The following SLC39A11 variants were observed in gnomAD, a reference collection of about 807,000 sequenced individuals.
SLC39A11 encodes the protein zinc transporter ZIP11.
A neutral mutation model predicts 36.1 loss-of-function variants in SLC39A11; 33 were observed. The observed-to-expected ratio is 0.91, with a 90% CI of 0.69 to 1.22. The LOEUF is 1.22. SLC39A11 is among the 50% of genes most tolerant of loss of function. The pLI is 0.00. For missense variants in SLC39A11, 432 were observed against 430.3 expected, an observed-to-expected ratio of 1.00 and a Z score of -0.03; for synonymous variants, 166 against 170.3, an observed-to-expected ratio of 0.97 and a Z score of 0.20.
chr17:72,858,757 G>A (rs138028650), intron 5 of SLC39A11, among the ~76,000 whole-genome samples: 44 of 152,212 alleles, frequency 2.9e-4, no homozygotes, highest in Admixed American at 6.5e-4. Context: ...ATGGTATTGC[G>A]TTCCTGGTTT....
intron 6 of SLC39A11, among the ~76,000 whole-genome samples, chr17:72,778,180 C>T (rs190252683): frequency 2.0e-5 from 3 of 152,326 alleles, no homozygotes; most frequent in Admixed American, 1.3e-4. Context: ...GCTGGGATTA[C>T]AGGCATGAGC....
chr17:72,699,062 C>T (rs1274882457), intron 7 of SLC39A11, among the ~76,000 whole-genome samples: 1 of 152,134 alleles, frequency 6.6e-6, no homozygotes, highest in Admixed American at 6.5e-5. Context: ...ATCTCCTGAC[C>T]TTGTGATCTG....
chr17:72,826,881 C>A (rs1024597007), intron 6 of SLC39A11, among the ~76,000 whole-genome samples: 1 of 152,156 alleles, frequency 6.6e-6, no homozygotes, highest in Non-Finnish European at 1.5e-5. Context: ...AGAAACGGAA[C>A]CCTCCTATAT....
At chr17:73,086,873 C>T (rs1348801859) in intron 2 of SLC39A11, among the ~76,000 whole-genome samples, 1 of 151,380 alleles carries the variant, frequency 6.6e-6, no homozygotes, top group South Asian at 2.1e-4. Context: ...GGGTTACCAG[C>T]GAAACCCCGT....
chr17:72,739,127 G>A (rs867986938), intron 6 of SLC39A11, among the ~76,000 whole-genome samples: 5 of 104,778 alleles, frequency 4.8e-5, no homozygotes, highest in Non-Finnish European at 7.6e-5. Flanking sequence ...TGAGAATTTC[G>A]GATTTTTTTT....
rs564874520 is a variant in SLC39A11 at position 72,841,027 on chromosome 17, C to G, written c.601+8607G>C. Among the ~76,000 whole-genome samples the G allele has an allele frequency of 3.9e-5, 6 of 152,242 alleles. No homozygotes were observed. In the South Asian group the frequency reaches 1.2e-3, roughly 32 times the overall value. Reference sequence around the variant, plus strand: ...CTGAGATGGCGCCACTGCACTCCAGCCTGAGTGACAGAGCAAGACTCCGTC... The same window carrying G: ...CTGAGATGGCGCCACTGCACTCCAGGCTGAGTGACAGAGCAAGACTCCGTC... On this transcript the variant is annotated intron_variant, in intron 6 of 9. Coordinates refer to ENST00000255559, the MANE Select transcript of SLC39A11 (RefSeq NM_139177.4).
intron 6 of SLC39A11, among the ~76,000 whole-genome samples, chr17:72,815,226 G>T (rs2077545237): frequency 6.6e-6 from 1 of 152,328 alleles, no homozygotes; most frequent in African/African-American, 2.4e-5. Flanking sequence ...ATCACCCAGG[G>T]GAAGGGAAGG....
intron 6 of SLC39A11, among the ~76,000 whole-genome samples, chr17:72,745,765 T>C (rs2074909742): frequency 6.6e-6 from 1 of 152,192 alleles, no homozygotes; most frequent in Non-Finnish European, 1.5e-5. Context: ...CTAGAAAATA[T>C]CAATGCAAAG....
At chr17:73,010,086 G>T (rs980489527) in intron 4 of SLC39A11, among the ~76,000 whole-genome samples, 1 of 152,060 alleles carries the variant, frequency 6.6e-6, no homozygotes, top group African/African-American at 2.4e-5. Flanking sequence ...TGCCTTTCTG[G>T]ACTGACTGTG....
intron 3 of SLC39A11, among the ~76,000 whole-genome samples, chr17:73,075,367 T>A (rs2060285757): frequency 6.6e-6 from 1 of 152,234 alleles, no homozygotes; most frequent in African/African-American, 2.4e-5. Context: ...TGCCAAATAC[T>A]GGCAGCCCCT....
At chr17:72,846,614 G>A (rs1226695248) in intron 6 of SLC39A11, among the ~76,000 whole-genome samples, 1 of 152,158 alleles carries the variant, frequency 6.6e-6, no homozygotes, top group Non-Finnish European at 1.5e-5. Flanking sequence ...AATTCCAGCT[G>A]AGCATAATGA....
At chr17:72,840,701 G>A (rs1455598735) in intron 6 of SLC39A11, among the ~76,000 whole-genome samples, 2 of 152,118 alleles carry the variant, frequency 1.3e-5, no homozygotes, top group African/African-American at 2.4e-5. Flanking sequence ...AGGTTGCAGT[G>A]AGCTGAGATC....
At position 73,025,398 on chromosome 17, in the gene SLC39A11, A is replaced by G. The variant is rs148879107; in HGVS notation, c.306+6158T>C. Among the ~76,000 whole-genome samples the G allele has an allele frequency of 5.5e-4, 84 of 152,356 alleles. 1 individual carries two copies. The East Asian group carries it at 0.015, about 28-fold the overall frequency. The stretch of plus-strand genomic sequence containing the variant: ...TGCGAAAAGCAAGCAGCAACAACAC[A>G]GACAGTATGTTGCCATTTGTTTTTC... On this transcript the variant is annotated intron_variant, in intron 4 of 9. Transcript: ENST00000255559.
At chr17:72,861,662 T>TATATATATATATATATATATATAAA (rs2080004877) in intron 5 of SLC39A11, among the ~76,000 whole-genome samples, 1 of 82,056 alleles carries the variant, frequency 1.2e-5, no homozygotes, top group African/African-American at 4.5e-5. Flanking sequence ...ACACATTATA[T>TATATATATATATATATATATATAAA]ATATATATAT....
chr17:73,090,712 A>G (rs778320221), intron 1 of SLC39A11, among the ~76,000 whole-genome samples: 1 of 152,212 alleles, frequency 6.6e-6, no homozygotes, highest in Admixed American at 6.5e-5. Context: ...GCCAAAGTCA[A>G]TGTGGATCTT....
At chr17:72,909,911 ACTTTT>A (rs1350504103) in intron 5 of SLC39A11, among the ~76,000 whole-genome samples, 9 of 150,420 alleles carry the variant, frequency 6.0e-5, no homozygotes, top group Non-Finnish European at 7.4e-5. Flanking sequence ...ACGCCCGGCT[ACTTTT>A]TTTTTTTGTA....
chr17:72,773,479 T>C (rs2076020463), intron 6 of SLC39A11, among the ~76,000 whole-genome samples: 1 of 152,200 alleles, frequency 6.6e-6, no homozygotes, highest in South Asian at 2.1e-4. Flanking sequence ...TTCTCCTTAC[T>C]GTCACCCTGT....
intron 4 of SLC39A11, among the ~76,000 whole-genome samples, chr17:72,976,590 C>A (rs368984226): frequency 6.6e-6 from 1 of 152,246 alleles, no homozygotes; most frequent in Non-Finnish European, 1.5e-5. Context: ...GTGGCTCACG[C>A]CTGTAATCCC....
In SLC39A11 at chr17:73,084,598, T is replaced by C. The variant is rs372081892; in HGVS notation, c.147+210A>G. Among the ~76,000 whole-genome samples the C allele has an allele frequency of 6.6e-5, 10 of 152,172 alleles. No homozygotes were observed. In the East Asian group the frequency reaches 7.7e-4, roughly 12 times the overall value. ...TATTTCCCTAGTCCTGAGGCAGCTGTCAAATAAACCTCGATTGCTGTCTAA... is the reference window on the plus strand; with the variant it reads ...TATTTCCCTAGTCCTGAGGCAGCTGCCAAATAAACCTCGATTGCTGTCTAA... On this transcript the variant is annotated intron_variant, in intron 3 of 9. Coordinates refer to ENST00000255559, the MANE Select transcript of SLC39A11 (RefSeq NM_139177.4).
Sources: allele counts gnomAD v4.1 joint callset (sites outside exome capture counted in the v4.1 genomes callset), GRCh38; gene constraint gnomAD v4.1.1; transcripts MANE v1.5; gene names NCBI Gene and HGNC (gene_info 2026-07-23, HGNC 2026-07-21).